The following ANTXR1 variants were observed in gnomAD, a reference collection of about 807,000 sequenced individuals.
ANTXR1 encodes ANTXR cell adhesion molecule 1.
In ANTXR1, 19 loss-of-function variants were observed where a neutral mutation model predicts 78.1. That is an observed-to-expected ratio of 0.24 (90% CI 0.17 to 0.36). ANTXR1 has a LOEUF of 0.36. Ranked by LOEUF, ANTXR1 falls within the 10% of genes least tolerant of loss-of-function variation. The pLI, the probability that ANTXR1 is intolerant of heterozygous loss-of-function variation, is 1.00. For missense variants in ANTXR1, 518 were observed against 718.6 expected, an observed-to-expected ratio of 0.72 and a Z score of 3.19; for synonymous variants, 273 against 260.5, an observed-to-expected ratio of 1.05 and a Z score of -0.46.
Position 69,083,101 on chromosome 2 carries a change from A to G in ANTXR1, c.642+5613A>G, listed in dbSNP as rs1670945994. On this transcript the variant is annotated intron_variant, in intron 8 of 17. Transcript: ENST00000303714. The stretch of plus-strand genomic sequence containing the variant: ...TTGTCCCTTCCACTCATGGGAAGCA[A>G]TGTAATCCCCTAATCTGGCCCAGGC... 2.0e-5 allele frequency among the ~76,000 whole-genome samples: 3 copies of G among 152,270 alleles called. No individual in the cohort carries two copies. The South Asian group carries it at 6.2e-4, about 32-fold the overall frequency.
At chr2:69,025,884 TGG>T (rs1671327328) in intron 1 of ANTXR1, among the ~76,000 whole-genome samples, 2 of 152,230 alleles carry the variant, frequency 1.3e-5, no homozygotes, top group Admixed American at 1.3e-4. Context: ...TTAAATTATA[TGG>T]TCATCCTGAT....
intron 12 of ANTXR1, among the ~76,000 whole-genome samples, chr2:69,150,849 T>C (rs1454630528): frequency 6.6e-6 from 1 of 151,444 alleles, no homozygotes; most frequent in Non-Finnish European, 1.5e-5. Context: ...TGAGACTCCA[T>C]CTCTACAAAA....
chr2:69,154,501 G>A lies in ANTXR1; in HGVS notation c.1047+2237G>A, dbSNP rs567235645. Among the ~76,000 whole-genome samples the A allele has an allele frequency of 2.0e-5, 3 of 152,192 alleles. No individual in the cohort carries two copies. In the South Asian group the frequency reaches 6.2e-4, roughly 32 times the overall value. ...ATACTCAGGAATGAAGGCAAACATG[G>A]GCCTCCCATCAGAGTTTCATTCAGA... On this transcript the variant is annotated intron_variant, in intron 13 of 17. Transcript: ENST00000303714.
chr2:69,157,529 T>C (rs12713673), intron 13 of ANTXR1, among the ~76,000 whole-genome samples: 90,279 of 151,700 alleles, frequency 0.6, 29,381 homozygotes, highest in East Asian at 0.9. Context: ...GTGCCATTGT[T>C]CTCCAGGCTG....
chr2:69,098,993 A>AAAT (rs1230310163), intron 9 of ANTXR1, among the ~76,000 whole-genome samples: 2 of 152,112 alleles, frequency 1.3e-5, no homozygotes, highest in Non-Finnish European at 2.9e-5. Flanking sequence ...CTAAATAAAT[A>AAAT]AAGTACAATT....
intron 1 of ANTXR1, among the ~76,000 whole-genome samples, chr2:69,039,836 T>C (rs557059597): frequency 2.0e-5 from 3 of 151,748 alleles, no homozygotes; most frequent in Non-Finnish European, 4.4e-5. Flanking sequence ...CAGTGCGAGA[T>C]TGGGGGAGTT....
rs73934653 is a variant in ANTXR1, at chr2:69,024,313, G to A, written c.152+10662G>A. ...TGGAGCTGAAAATAAAAACTTGAGTGTTGTAAGCCCAAGGGTAATAGTTGA... is the reference window on the plus strand; with the variant it reads ...TGGAGCTGAAAATAAAAACTTGAGTATTGTAAGCCCAAGGGTAATAGTTGA... On this transcript the variant is annotated intron_variant, in intron 1 of 17. Transcript: ENST00000303714. 5.5e-3 allele frequency among the ~76,000 whole-genome samples: 830 copies of A among 152,266 alleles called. 8 individuals carry two copies. Among genetic ancestry groups the A allele is most frequent in the African/African-American group, 0.019 (803 of 41,550 alleles).
chr2:69,238,281 G>A (rs1675818917), intron 17 of ANTXR1, among the ~76,000 whole-genome samples: 1 of 152,146 alleles, frequency 6.6e-6, no homozygotes, highest in African/African-American at 2.4e-5. Context: ...GGTTGCTGGG[G>A]TCCATTTAAC....
chr2:69,204,396 G>T (rs1169009836), intron 17 of ANTXR1, among the ~76,000 whole-genome samples: 1 of 152,132 alleles, frequency 6.6e-6, no homozygotes, highest in Non-Finnish European at 1.5e-5. Context: ...CTCGGAGTTG[G>T]ACTGGCAGTT....
intron 12 of ANTXR1, among the ~76,000 whole-genome samples, chr2:69,150,596 T>C (rs1026740086): frequency 7.9e-5 from 12 of 152,208 alleles, no homozygotes; most frequent in Non-Finnish European, 1.8e-4. Flanking sequence ...AATAATTTAG[T>C]AAATATAAAT....
intron 1 of ANTXR1, among the ~76,000 whole-genome samples, chr2:69,038,719 A>G (rs1669523373): frequency 6.6e-6 from 1 of 152,232 alleles, no homozygotes; most frequent in South Asian, 2.1e-4. Context: ...TACATTCTCT[A>G]GAATTGAATG....
intron 10 of ANTXR1, among the ~76,000 whole-genome samples, chr2:69,121,216 G>C (rs947765208): frequency 3.9e-5 from 6 of 152,170 alleles, no homozygotes; most frequent in Non-Finnish European, 8.8e-5. Context: ...TACTTTATCT[G>C]TTTCGTTCAT....
chr2:69,041,281 C>T (rs1016074826), intron 2 of ANTXR1, among the ~76,000 whole-genome samples: 10 of 152,216 alleles, frequency 6.6e-5, no homozygotes, highest in Non-Finnish European at 1.3e-4. Flanking sequence ...TAACTCTCTA[C>T]TTGAATAGCT....
chr2:69,128,309 G>A (rs1405297321), intron 12 of ANTXR1, among the ~76,000 whole-genome samples: 1 of 152,120 alleles, frequency 6.6e-6, no homozygotes, highest in African/African-American at 2.4e-5. Context: ...ATTTATATCA[G>A]TATTGTGAAG....
intron 8 of ANTXR1, among the ~76,000 whole-genome samples, chr2:69,081,504 G>A (rs1573853485): frequency 6.6e-6 from 1 of 152,206 alleles, no homozygotes; most frequent in Admixed American, 6.5e-5. Context: ...TTTCTTAACT[G>A]AGAGGGATAG....
At chr2:69,210,405 T>G (rs1398828256) in intron 17 of ANTXR1, among the ~76,000 whole-genome samples, 1 of 152,244 alleles carries the variant, frequency 6.6e-6, no homozygotes. Context: ...GGCCTTGCTA[T>G]ATTCCAAAAT....
chr2:69,029,559 C>T (rs56047600), intron 1 of ANTXR1, among the ~76,000 whole-genome samples: 3,680 of 150,066 alleles, frequency 0.025, 137 homozygotes, highest in African/African-American at 0.085. Flanking sequence ...ATTCTTCCAA[C>T]AAAGAAAAAA....
At chr2:69,038,092 C>T (rs6739066) in intron 1 of ANTXR1, among the ~76,000 whole-genome samples, 29,545 of 152,082 alleles carry the variant, frequency 0.19, 7,568 homozygotes, top group African/African-American at 0.59. Context: ...CCCCCCTTCA[C>T]AGCCTGCACC....
intron 16 of ANTXR1, among the ~76,000 whole-genome samples, chr2:69,191,560 C>T (rs1398008654): frequency 1.3e-5 from 2 of 152,192 alleles, no homozygotes; most frequent in African/African-American, 2.4e-5. Flanking sequence ...CACAGTCATA[C>T]ACACACCCAT....
Sources: gnomAD v4.1 joint callset for allele counts (sites outside exome capture counted in the v4.1 genomes callset) on GRCh38, gnomAD v4.1.1 for gene constraint, MANE v1.5 for transcripts, NCBI Gene and HGNC (gene_info 2026-07-23, HGNC 2026-07-21) for gene names.